The following FRMD5 variants were observed in gnomAD, a reference collection of about 807,000 sequenced individuals.
FRMD5 encodes FERM domain-containing protein 5.
Under a neutral mutation model 69.0 loss-of-function variants are expected in FRMD5, and 20 were observed. That is an observed-to-expected ratio of 0.29 (90% CI 0.20 to 0.42). The LOEUF is 0.42. Among genes scored for constraint, FRMD5 ranks in the 10% least tolerant of loss-of-function variants. FRMD5 has a pLI of 1.00. For missense variants in FRMD5, 595 were observed against 708.6 expected (o/e 0.84, Z 1.82); for synonymous variants, 271 against 260.1 (o/e 1.04, Z -0.40).
intron 1 of FRMD5, among the ~76,000 whole-genome samples, chr15:44,177,383 C>A (rs2077916809): frequency 6.6e-6 from 1 of 151,812 alleles, no homozygotes; most frequent in African/African-American, 2.4e-5. Context: ...AATTACTTGG[C>A]AATTAAAAAA....
intron 1 of FRMD5, among the ~76,000 whole-genome samples, chr15:44,127,786 C>T (rs1305270880): frequency 6.6e-6 from 1 of 152,020 alleles, no homozygotes; most frequent in African/African-American, 2.4e-5. Context: ...GTGGGAGGGC[C>T]GCTTGAGCCT....
intron 1 of FRMD5, among the ~76,000 whole-genome samples, chr15:44,004,858 T>C (rs1890367252): frequency 6.6e-6 from 1 of 152,250 alleles, no homozygotes; most frequent in South Asian, 2.1e-4. Context: ...CTAGGCTTCT[T>C]GAGCCAAATA....
chr15:44,181,896 G>A (rs768957988), intron 1 of FRMD5, among the ~76,000 whole-genome samples: 7 of 152,010 alleles, frequency 4.6e-5, no homozygotes, highest in Admixed American at 6.6e-5. Flanking sequence ...GGGCAAGACC[G>A]TGTCTCAAAA....
chr15:43,905,355 T>C (rs1045112724), intron 6 of FRMD5, among the ~76,000 whole-genome samples: 4 of 152,098 alleles, frequency 2.6e-5, no homozygotes, highest in African/African-American at 9.7e-5. Flanking sequence ...CAGGCTGGTC[T>C]TGAACTCCTG....
At chr15:44,015,709 T>G (rs1242682020) in intron 1 of FRMD5, among the ~76,000 whole-genome samples, 3 of 152,200 alleles carry the variant, frequency 2.0e-5, no homozygotes, top group Admixed American at 2.0e-4. Context: ...CCACATGCTT[T>G]CTTTCATGGT....
At chr15:44,171,624 A>G (rs889733183) in intron 1 of FRMD5, among the ~76,000 whole-genome samples, 2 of 152,208 alleles carry the variant, frequency 1.3e-5, no homozygotes, top group South Asian at 2.1e-4. Flanking sequence ...TGAATTTCCA[A>G]TGAGGTTGGG....
chr15:44,014,753 GA>G (rs970990892), intron 1 of FRMD5, among the ~76,000 whole-genome samples: 21 of 150,134 alleles, frequency 1.4e-4, no homozygotes, highest in African/African-American at 3.9e-4. Context: ...AAAGAAAAAA[GA>G]AAAAAAAAGA....
At chr15:43,908,119 G>A (rs577670463) in intron 5 of FRMD5, among the ~76,000 whole-genome samples, 1 of 152,110 alleles carries the variant, frequency 6.6e-6, no homozygotes, top group Admixed American at 6.5e-5. Flanking sequence ...GGGCACTCAG[G>A]AGTTCAAGAT....
chr15:44,086,905 T>A (rs1894218050), intron 1 of FRMD5, among the ~76,000 whole-genome samples: 1 of 152,180 alleles, frequency 6.6e-6, no homozygotes, highest in Non-Finnish European at 1.5e-5. Context: ...AAAGCAGTAC[T>A]ATGGAAAGGA....
chr15:43,962,441 G>T (rs981093663), intron 1 of FRMD5, among the ~76,000 whole-genome samples: 6 of 152,290 alleles, frequency 3.9e-5, no homozygotes, highest in South Asian at 2.1e-4. Flanking sequence ...CCATGCTCAT[G>T]GGTAGGAAGA....
chr15:43,993,816 C>T (rs1300405570), intron 1 of FRMD5, among the ~76,000 whole-genome samples: 1 of 152,156 alleles, frequency 6.6e-6, no homozygotes, highest in Non-Finnish European at 1.5e-5. Flanking sequence ...GAACTGACCT[C>T]CTTATCTTTA....
At chr15:44,144,815 C>T (rs1046734474) in intron 1 of FRMD5, among the ~76,000 whole-genome samples, 7 of 152,102 alleles carry the variant, frequency 4.6e-5, no homozygotes, top group African/African-American at 7.2e-5. Flanking sequence ...TCCTTCCAAG[C>T]GTTTTAAAAT....
At chr15:44,068,390 A>C (rs1893399050) in intron 1 of FRMD5, among the ~76,000 whole-genome samples, 1 of 152,222 alleles carries the variant, frequency 6.6e-6, no homozygotes, top group Non-Finnish European at 1.5e-5. Flanking sequence ...TATCCATATA[A>C]TTGAATATTA....
intron 1 of FRMD5, among the ~76,000 whole-genome samples, chr15:44,048,649 G>A (rs1167751296): frequency 6.6e-6 from 1 of 151,728 alleles, no homozygotes; most frequent in Non-Finnish European, 1.5e-5. Context: ...CTCGTCTCAC[G>A]GCAACCTCCG....
intron 1 of FRMD5, among the ~76,000 whole-genome samples, chr15:44,004,650 C>T (rs1009652014): frequency 6.6e-6 from 1 of 152,144 alleles, no homozygotes; most frequent in Admixed American, 6.5e-5. Flanking sequence ...CCAGCTGTTC[C>T]CCCAACTCAG....
intron 1 of FRMD5, among the ~76,000 whole-genome samples, chr15:44,141,874 G>T (rs757402895): frequency 6.6e-6 from 1 of 152,128 alleles, no homozygotes; most frequent in Non-Finnish European, 1.5e-5. Flanking sequence ...TAACAGCTAA[G>T]TTAACAGCTA....
chr15:43,881,576 G>T (rs1403818696), intron 13 of FRMD5, among the ~76,000 whole-genome samples: 3 of 152,208 alleles, frequency 2.0e-5, no homozygotes, highest in African/African-American at 7.2e-5. Flanking sequence ...GCATGGCAGA[G>T]CTCCTAGTCA....
In FRMD5 at chr15:43,873,339, CA is replaced by C. The variant is rs147894024; in HGVS notation, c.*545del. 5.1e-3 allele frequency: 7,457 copies of C among 1,475,280 alleles called. 339 individuals carry two copies. In the African/African-American group the frequency reaches 0.094, roughly 19 times the overall value. The allele number at this position is 1,475,280 out of a possible 1,614,324, so 91.4% of individuals were successfully genotyped here. A position where few individuals can be genotyped will look rare whatever the true frequency, so the allele number is the denominator to read the frequency against. On this transcript the variant is annotated 3_prime_UTR_variant, in exon 14 of 14. Coordinates refer to ENST00000417257, the MANE Select transcript of FRMD5 (RefSeq NM_032892.5). ...TTACTTTTTTAAAAGTTCTGGCTGG[CA>C]AAAAAAACAAACAAAAAACTAAACA...
At chr15:44,010,455 T>A (rs1266992756) in intron 1 of FRMD5, among the ~76,000 whole-genome samples, 1 of 150,854 alleles carries the variant, frequency 6.6e-6, no homozygotes, top group African/African-American at 2.4e-5. Context: ...TGGAGTGCAG[T>A]GGCACGATCT....
Sources: gnomAD v4.1 joint callset for allele counts (sites outside exome capture counted in the v4.1 genomes callset) on GRCh38, gnomAD v4.1.1 for gene constraint, MANE v1.5 for transcripts, NCBI Gene and HGNC (gene_info 2026-07-23, HGNC 2026-07-21) for gene names.